The following EHBP1 variants were observed in gnomAD, a reference collection of about 807,000 sequenced individuals.
EHBP1 encodes the protein EH domain binding protein 1, also known as EH domain-binding protein 1.
A neutral mutation model predicts 144.0 loss-of-function variants in EHBP1; 55 were observed. The ratio of observed to expected loss-of-function variants is 0.38; its 90% CI spans 0.31 to 0.48. The LOEUF is 0.48. Among genes scored for constraint, EHBP1 ranks in the 20% least tolerant of loss-of-function variants. The probability of loss-of-function intolerance (pLI) is 0.98; values close to 1 mark genes in which losing one functional copy is unlikely to be tolerated. For missense variants in EHBP1, 1,200 were observed against 1,364.2 expected (o/e 0.88, Z 1.90); for synonymous variants, 469 against 472.7 (o/e 0.99, Z 0.10).
chr2:62,924,125 T>C (rs1012011312), intron 10 of EHBP1, among the ~76,000 whole-genome samples: 4 of 152,094 alleles, frequency 2.6e-5, no homozygotes, highest in Admixed American at 2.6e-4. Context: ...TACCAGCATA[T>C]CATGCCTGAG....
chr2:62,936,639 G>T (rs1401778750), intron 10 of EHBP1, among the ~76,000 whole-genome samples: 1 of 151,804 alleles, frequency 6.6e-6, no homozygotes, highest in Non-Finnish European at 1.5e-5. Context: ...GTCTCTCCAT[G>T]TCTTGGCTTG....
chr2:62,766,160 G>A (rs1021175492), intron 4 of EHBP1, among the ~76,000 whole-genome samples: 4 of 152,128 alleles, frequency 2.6e-5, no homozygotes, highest in African/African-American at 9.7e-5. Flanking sequence ...ACAGACATAA[G>A]AAGTAACTAA....
At chr2:62,862,470 C>T (rs569544562) in intron 8 of EHBP1, among the ~76,000 whole-genome samples, 2 of 152,012 alleles carry the variant, frequency 1.3e-5, no homozygotes, top group African/African-American at 4.8e-5. Context: ...ATTAGCCAGG[C>T]GTGATGGCGG....
intron 10 of EHBP1, among the ~76,000 whole-genome samples, chr2:62,926,185 A>G (rs927406326): frequency 1.4e-4 from 22 of 152,174 alleles, no homozygotes; most frequent in African/African-American, 5.3e-4. Flanking sequence ...GTGCTGGGAA[A>G]ACTGGATATT....
chr2:62,936,486 C>G (rs2056395875), intron 10 of EHBP1, among the ~76,000 whole-genome samples: 2 of 151,952 alleles, frequency 1.3e-5, no homozygotes. Flanking sequence ...TTTTATTTTA[C>G]TGTTTCTACT....
rs111760387 is a variant in EHBP1, at chr2:62,831,562, A to G, written c.634+404A>G. Among the ~76,000 whole-genome samples the G allele has an allele frequency of 2.6e-4, 39 of 152,298 alleles. 1 individual carries two copies. Among genetic ancestry groups the G allele is most frequent in the African/African-American group, 8.2e-4 (34 of 41,574 alleles). ...ATTTATTTACTTGAATTATGTGGACATTCTGTGTTTTGAATTTATATATCT... is the reference window on the plus strand; with the variant it reads ...ATTTATTTACTTGAATTATGTGGACGTTCTGTGTTTTGAATTTATATATCT... On this transcript the variant is annotated intron_variant, in intron 7 of 22. Transcript: ENST00000431489.
chr2:62,729,615 T>TAAATAAAATAAAATA (rs1307512493), intron 2 of EHBP1, among the ~76,000 whole-genome samples: 1 of 134,896 alleles, frequency 7.4e-6, no homozygotes, highest in Admixed American at 8.2e-5. Flanking sequence ...AATATAATAA[T>TAAATAAAATAAAATA]AAATAAAATA....
At chr2:62,705,171 G>A (rs536602600), upstream of EHBP1, among the ~76,000 whole-genome samples, 167 of 152,252 alleles carry the variant, frequency 1.1e-3, 1 homozygote, top group African/African-American at 3.8e-3. Flanking sequence ...GGAGGAACTG[G>A]TGAAATAAAG....
At chr2:63,035,151 G>A (rs1216030326) in intron 19 of EHBP1, among the ~76,000 whole-genome samples, 3 of 151,974 alleles carry the variant, frequency 2.0e-5, no homozygotes, top group Non-Finnish European at 2.9e-5. Flanking sequence ...AAAAATTTGA[G>A]AGCCCTGAAA....
chr2:62,771,406 A>G lies in EHBP1; in HGVS notation c.312+14A>G. On this transcript the variant is annotated intron_variant, in intron 5 of 22. Coordinates refer to ENST00000431489, the MANE Select transcript of EHBP1 (RefSeq NM_001142616.3). ...GTCATAGAAAATGTAAGCTAATGGC[A>G]AATTCCTTCACCTTTCACATTTTCA... is the stretch of plus-strand genomic sequence containing the variant. 1 of 1,576,784 alleles carries G rather than the reference A, an allele frequency of 6.3e-7. No individual in the cohort carries two copies. Among genetic ancestry groups the G allele is most frequent in the Non-Finnish European group, 8.6e-7 (1 of 1,159,472 alleles).
chr2:63,023,750 G>T (rs1327478306), intron 19 of EHBP1, among the ~76,000 whole-genome samples: 1 of 152,194 alleles, frequency 6.6e-6, no homozygotes, highest in African/African-American at 2.4e-5. Flanking sequence ...GAACCTGACA[G>T]ATCTCTTCAT....
At chr2:62,832,737 C>T (rs2046922450) in intron 7 of EHBP1, among the ~76,000 whole-genome samples, 1 of 152,070 alleles carries the variant, frequency 6.6e-6, no homozygotes. Context: ...CTGACTGATC[C>T]ACCAACTAGC....
intron 1 of EHBP1, among the ~76,000 whole-genome samples, chr2:62,677,071 G>A (rs2033325359): frequency 6.6e-6 from 1 of 152,120 alleles, no homozygotes; most frequent in Non-Finnish European, 1.5e-5. Flanking sequence ...GGTCGGGGAG[G>A]GACAGGTAGA....
At chr2:62,959,803 A>C (rs2057908570) in intron 14 of EHBP1, among the ~76,000 whole-genome samples, 1 of 152,154 alleles carries the variant, frequency 6.6e-6, no homozygotes, top group African/African-American at 2.4e-5. Flanking sequence ...CCACTGGTTT[A>C]CTTTAGCAGT....
chr2:62,806,361 C>T (rs564959361), intron 5 of EHBP1, among the ~76,000 whole-genome samples: 12 of 151,768 alleles, frequency 7.9e-5, no homozygotes, highest in South Asian at 2.1e-4. Context: ...TGTGGTTTTT[C>T]GTTTGGTTTG....
At chr2:62,772,428 G>A (rs963887563) in intron 5 of EHBP1, among the ~76,000 whole-genome samples, 12 of 152,230 alleles carry the variant, frequency 7.9e-5, no homozygotes, top group South Asian at 4.1e-4. Context: ...GATTAATAAT[G>A]TAGGCTTGGA....
At chr2:62,824,478 T>C (rs919925144) in intron 5 of EHBP1, among the ~76,000 whole-genome samples, 3 of 152,030 alleles carry the variant, frequency 2.0e-5, no homozygotes, top group African/African-American at 7.2e-5. Flanking sequence ...TGTCAGAACC[T>C]TGAACCTTAA....
At chr2:62,713,565 A>G (rs144836860) in intron 2 of EHBP1, among the ~76,000 whole-genome samples, 78 of 152,206 alleles carry the variant, frequency 5.1e-4, no homozygotes, top group Non-Finnish European at 1.0e-3. Flanking sequence ...TCTTTAATGT[A>G]TGAGGGGAGA....
intron 2 of EHBP1, among the ~76,000 whole-genome samples, chr2:62,709,484 T>G (rs148307293): frequency 2.4e-4 from 36 of 152,314 alleles, no homozygotes; most frequent in African/African-American, 8.2e-4. Flanking sequence ...GAAAATCAGT[T>G]TCTTCCTCAC....
Sources: gnomAD v4.1 joint callset for allele counts (sites outside exome capture counted in the v4.1 genomes callset) on GRCh38, gnomAD v4.1.1 for gene constraint, MANE v1.5 for transcripts, NCBI Gene and HGNC (gene_info 2026-07-23, HGNC 2026-07-21) for gene names.